The following HBS1L variants were observed in gnomAD, a reference collection of about 807,000 sequenced individuals.
HBS1L encodes HBS1-like protein.
In HBS1L, 55 loss-of-function variants were observed where a neutral mutation model predicts 88.9. The ratio of observed to expected loss-of-function variants is 0.62; its 90% CI spans 0.50 to 0.77. The LOEUF is 0.77. Ranked by LOEUF, HBS1L falls within the 30% of genes least tolerant of loss-of-function variation. The pLI is 0.00. For missense variants in HBS1L, 741 were observed against 829.3 expected, an observed-to-expected ratio of 0.89 and a Z score of 1.31; for synonymous variants, 267 against 288.5, an observed-to-expected ratio of 0.93 and a Z score of 0.76.
chr6:134,999,609 G>A lies in HBS1L; in HGVS notation c.540-1953C>T, dbSNP rs536260770. ...ATTACAGGCGCTGGCCACTACACCC[G>A]GATAATTTTTGTATTTTTAGTAGAG... On this transcript the variant is annotated intron_variant, in intron 5 of 17. Transcript: ENST00000367837. Among the ~76,000 whole-genome samples the A allele has an allele frequency of 3.8e-3, 580 of 151,646 alleles. 3 individuals are homozygous for A. The highest frequency in any genetic ancestry group is 0.012 in the African/African-American group (516 of 41,336).
chr6:135,030,596 A>G (rs1776356723), intron 4 of HBS1L, among the ~76,000 whole-genome samples: 1 of 152,224 alleles, frequency 6.6e-6, no homozygotes, highest in Non-Finnish European at 1.5e-5. Flanking sequence ...TAAACTGAAA[A>G]GTCAAGAAAC....
chr6:135,023,510 T>C (rs941109536), intron 4 of HBS1L, among the ~76,000 whole-genome samples: 54 of 152,104 alleles, frequency 3.6e-4, no homozygotes, highest in African/African-American at 1.2e-3. Context: ...TAATATTAAA[T>C]AGATATTTGC....
chr6:135,050,658 G>A lies in HBS1L; in HGVS notation c.44-11C>T. On this transcript the variant is annotated splice_polypyrimidine_tract_variant and intron_variant, in intron 1 of 17. Transcript: ENST00000367837. ...CATCATCTTCAAAATCTAAAATAAA[G>A]ACAAAAGAGATAAATTCATTTACAA... 4 of 1,516,634 alleles carry A rather than the reference G, an allele frequency of 2.6e-6. No individual in the cohort carries two copies. Among genetic ancestry groups the A allele is most frequent in the Non-Finnish European group, 1.8e-6 (2 of 1,108,884 alleles). The allele number at this position is 1,516,634 out of a possible 1,614,324, so 93.9% of individuals were successfully genotyped here. A position where few individuals can be genotyped will look rare whatever the true frequency, so the allele number is the denominator to read the frequency against.
intron 4 of HBS1L, chr6:135,037,734 T>C (rs1161840000): frequency 1.3e-6 from 2 of 1,550,992 alleles, no homozygotes; most frequent in South Asian, 1.2e-5. Context: ...ATAATCTGAC[T>C]GATGGCTGAC....
intron 4 of HBS1L, chr6:135,036,659 C>T (rs1341077322): frequency 7.1e-6 from 11 of 1,550,990 alleles, no homozygotes; most frequent in Non-Finnish European, 9.6e-6. Flanking sequence ...GGACTTATTT[C>T]TTTGTCCTTT....
intron 4 of HBS1L, among the ~76,000 whole-genome samples, chr6:135,033,459 A>T (rs573920460): frequency 6.6e-6 from 1 of 152,318 alleles, no homozygotes; most frequent in Admixed American, 6.5e-5. Flanking sequence ...GCAGTCTCAA[A>T]GAGACTGTGA....
chr6:135,052,672 G>A (rs1223578662), intron 1 of HBS1L, among the ~76,000 whole-genome samples: 1 of 151,744 alleles, frequency 6.6e-6, no homozygotes, highest in Non-Finnish European at 1.5e-5. Flanking sequence ...AACATATAAA[G>A]ATGAAGAGAA....
chr6:134,993,671 G>A (rs1374085368), intron 8 of HBS1L, 87 bp downstream of exon 8: 3 of 536,652 alleles, frequency 5.6e-6, no homozygotes, highest in East Asian at 6.0e-5. Context: ...TATTTTAAAA[G>A]TCAAAATCCT....
intron 10 of HBS1L, 37 bp from the exon 11 acceptor site, chr6:134,986,220 AT>A: frequency 2.9e-6 from 3 of 1,039,162 alleles, no homozygotes; most frequent in Non-Finnish European, 4.5e-6. Flanking sequence ...TTAATACAAC[AT>A]TTTTTAAAAC....
intron 4 of HBS1L, among the ~76,000 whole-genome samples, chr6:135,022,311 T>A (rs957036807): frequency 1.4e-4 from 21 of 146,150 alleles, no homozygotes; most frequent in Admixed American, 7.7e-4. Context: ...GATTAGAATT[T>A]GTAAGGTCAA....
In HBS1L at chr6:135,031,150, T is replaced by G. The variant is rs1379078540; in HGVS notation, c.430+8423A>C. Among the ~76,000 whole-genome samples, 7 of 152,206 alleles carry G rather than the reference T, an allele frequency of 4.6e-5. No individual in the cohort carries two copies. In the South Asian group the frequency reaches 1.4e-3, roughly 31 times the overall value. On this transcript the variant is annotated intron_variant, in intron 4 of 17. Coordinates refer to ENST00000367837, the MANE Select transcript of HBS1L (RefSeq NM_006620.4). Reference sequence around the variant, plus strand: ...GGATGTGCCTAACAAATAAAAGATATTAGATAAGGCATGACTTCCAGTGCT... The same window carrying G: ...GGATGTGCCTAACAAATAAAAGATAGTAGATAAGGCATGACTTCCAGTGCT...
intron 16 of HBS1L, among the ~76,000 whole-genome samples, chr6:134,968,602 C>T (rs997714952): frequency 3.3e-5 from 5 of 152,060 alleles, no homozygotes; most frequent in Non-Finnish European, 7.4e-5. Context: ...TTTTTATTTA[C>T]GTACTTAGTT....
At chr6:135,040,922 CT>C (rs1776715341) in intron 3 of HBS1L, among the ~76,000 whole-genome samples, 1 of 151,870 alleles carries the variant, frequency 6.6e-6, no homozygotes, top group African/African-American at 2.4e-5. Context: ...ATGTATATTT[CT>C]TTTGTAATCC....
At chr6:134,992,139 A>C (rs1775157877) in intron 8 of HBS1L, among the ~76,000 whole-genome samples, 1 of 152,218 alleles carries the variant, frequency 6.6e-6, no homozygotes, top group Admixed American at 6.5e-5. Flanking sequence ...TTGCCATGTA[A>C]CAGAGTCAAG....
At chr6:134,972,306 T>C (rs554823416) in intron 15 of HBS1L, among the ~76,000 whole-genome samples, 4 of 152,280 alleles carry the variant, frequency 2.6e-5, no homozygotes, top group South Asian at 2.1e-4. Context: ...AACAAATACA[T>C]AGTCAATTGG....
chr6:134,980,379 T>C (rs927731918), intron 13 of HBS1L, among the ~76,000 whole-genome samples: 4 of 152,042 alleles, frequency 2.6e-5, no homozygotes, highest in African/African-American at 7.2e-5. Flanking sequence ...TCAGAGATTC[T>C]TCCTCCCAAA....
chr6:135,046,989 A>G (rs1471902558), intron 2 of HBS1L, among the ~76,000 whole-genome samples: 1 of 152,242 alleles, frequency 6.6e-6, no homozygotes, highest in Non-Finnish European at 1.5e-5. Flanking sequence ...GCTTTTGTTA[A>G]AAATCAGTTT....
intron 16 of HBS1L, among the ~76,000 whole-genome samples, chr6:134,967,218 G>A (rs1005545623): frequency 6.6e-6 from 1 of 152,124 alleles, no homozygotes; most frequent in African/African-American, 2.4e-5. Context: ...GGGACATTTT[G>A]GAATTGTTTT....
chr6:135,037,122 G>A, intron 4 of HBS1L: 2 of 1,551,424 alleles, frequency 1.3e-6, no homozygotes, highest in African/African-American at 1.4e-5. Context: ...GGTCTCTTGT[G>A]GGAGAAGCTT....
Sources: allele counts gnomAD v4.1 joint callset (sites outside exome capture counted in the v4.1 genomes callset), GRCh38; gene constraint gnomAD v4.1.1; transcripts MANE v1.5; gene names NCBI Gene and HGNC (gene_info 2026-07-23, HGNC 2026-07-21).